The following PLD5 variants were observed in gnomAD, a reference collection of about 807,000 sequenced individuals.
PLD5 encodes the protein inactive phospholipase D5.
A neutral mutation model predicts 61.1 loss-of-function variants in PLD5; 36 were observed. The observed-to-expected ratio is 0.59, with a 90% CI of 0.45 to 0.78. The LOEUF is 0.78. PLD5 is among the 30% of genes least tolerant of loss of function. PLD5 has a pLI of 0.00. For missense variants in PLD5, 515 were observed against 644.4 expected (o/e 0.80, Z 2.17); for synonymous variants, 243 against 242.8 (o/e 1.00, Z -0.01).
At chr1:242,327,425 G>T (rs891408263) in intron 2 of PLD5, among the ~76,000 whole-genome samples, 7 of 152,272 alleles carry the variant, frequency 4.6e-5, no homozygotes, top group Middle Eastern at 3.4e-3. Flanking sequence ...TTTACTGACT[G>T]CTATTTCAAA....
upstream of PLD5, among the ~76,000 whole-genome samples, chr1:242,525,630 TG>T (rs1356773789): frequency 1.3e-5 from 2 of 152,204 alleles, no homozygotes; most frequent in Non-Finnish European, 1.5e-5. Context: ...GTCTCGTGTC[TG>T]GTTAAAAGCT....
chr1:242,290,525 G>A (rs1399974402), intron 2 of PLD5, among the ~76,000 whole-genome samples: 3 of 152,104 alleles, frequency 2.0e-5, no homozygotes, highest in African/African-American at 7.2e-5. Flanking sequence ...ACTTAATTTT[G>A]TCGCATTTGG....
At chr1:242,167,780 CG>C (rs1666438496) in intron 5 of PLD5, among the ~76,000 whole-genome samples, 1 of 152,134 alleles carries the variant, frequency 6.6e-6, no homozygotes, top group Non-Finnish European at 1.5e-5. Flanking sequence ...GGATTGCCTA[CG>C]TGAAAACAAT....
chr1:242,390,850 C>T (rs964411778), intron 1 of PLD5, among the ~76,000 whole-genome samples: 2 of 151,226 alleles, frequency 1.3e-5, no homozygotes, highest in Non-Finnish European at 2.9e-5. Context: ...ATGATTAAGA[C>T]CTAAAATGAC....
At chr1:242,488,583 A>G (rs1459440219) in intron 1 of PLD5, among the ~76,000 whole-genome samples, 1 of 152,222 alleles carries the variant, frequency 6.6e-6, no homozygotes, top group Non-Finnish European at 1.5e-5. Flanking sequence ...CCAAGGGCTC[A>G]GGGGAGGAAG....
intron 1 of PLD5, among the ~76,000 whole-genome samples, chr1:242,522,389 T>C (rs550518742): frequency 6.6e-6 from 1 of 152,168 alleles, no homozygotes; most frequent in East Asian, 1.9e-4. Flanking sequence ...GTGGCACACA[T>C]GGTATGACTT....
chr1:242,480,336 T>C (rs1350258342), intron 1 of PLD5, among the ~76,000 whole-genome samples: 1 of 152,196 alleles, frequency 6.6e-6, no homozygotes, highest in East Asian at 1.9e-4. Flanking sequence ...CTTTAAACCC[T>C]ATCTCACATC....
intron 5 of PLD5, among the ~76,000 whole-genome samples, chr1:242,140,859 G>C (rs1214304760): frequency 6.6e-6 from 1 of 152,066 alleles, no homozygotes; most frequent in Non-Finnish European, 1.5e-5. Flanking sequence ...CTTCCTTCCT[G>C]TTAGTTCCAG....
chr1:242,412,108 A>T lies in PLD5; in HGVS notation c.190-63866T>A, dbSNP rs76900892. Among the ~76,000 whole-genome samples the T allele has an allele frequency of 1.3e-3, 203 of 152,306 alleles. 2 individuals are homozygous for T. Among genetic ancestry groups the T allele is most frequent in the African/African-American group, 4.5e-3 (189 of 41,570 alleles). Reference sequence around the variant, plus strand: ...GAGGGGTGAAGGAATGACTCATCTCATCCTGTCTTTATTCTCTACTTGGGA... The same window carrying T: ...GAGGGGTGAAGGAATGACTCATCTCTTCCTGTCTTTATTCTCTACTTGGGA... On this transcript the variant is annotated intron_variant, in intron 1 of 9. Transcript: ENST00000536534.
intron 8 of PLD5, among the ~76,000 whole-genome samples, chr1:242,107,091 G>A (rs989740336): frequency 6.6e-6 from 1 of 152,160 alleles, no homozygotes; most frequent in African/African-American, 2.4e-5. Context: ...CGAGGCATCT[G>A]GGCGGGGGGT....
At chr1:242,345,485 T>C (rs1309713241) in intron 2 of PLD5, 1 of 710,388 alleles carries the variant, frequency 1.4e-6, no homozygotes, top group African/African-American at 1.8e-5. Context: ...AATTCTTAAG[T>C]TGCTAAAAAC....
intron 1 of PLD5, among the ~76,000 whole-genome samples, chr1:242,489,837 T>G (rs1017611981): frequency 6.6e-6 from 1 of 152,158 alleles, no homozygotes; most frequent in Non-Finnish European, 1.5e-5. Context: ...AGAGATCATT[T>G]CCCGCAGAAG....
chr1:242,154,227 G>A (rs1464174663), intron 5 of PLD5, among the ~76,000 whole-genome samples: 5 of 152,190 alleles, frequency 3.3e-5, no homozygotes, highest in Non-Finnish European at 5.9e-5. Flanking sequence ...TTGCTTATCA[G>A]CTTAAGGAGA....
intron 5 of PLD5, among the ~76,000 whole-genome samples, chr1:242,212,766 G>A (rs1249689117): frequency 6.6e-6 from 1 of 152,136 alleles, no homozygotes; most frequent in Non-Finnish European, 1.5e-5. Context: ...ATGTACAAGC[G>A]ACATCCCAGA....
intron 1 of PLD5, among the ~76,000 whole-genome samples, chr1:242,375,728 A>C (rs1194253362): frequency 6.6e-6 from 1 of 152,238 alleles, no homozygotes; most frequent in Non-Finnish European, 1.5e-5. Flanking sequence ...GAAGGGCCAG[A>C]AGAGTATCTC....
At chr1:242,117,012 T>C (rs924964705) in intron 6 of PLD5, among the ~76,000 whole-genome samples, 1 of 152,170 alleles carries the variant, frequency 6.6e-6, no homozygotes, top group Non-Finnish European at 1.5e-5. Context: ...TTTCCCTCAC[T>C]TGGGCACTAG....
chr1:242,506,257 C>T (rs191033701), intron 1 of PLD5, among the ~76,000 whole-genome samples: 1 of 152,130 alleles, frequency 6.6e-6, no homozygotes, highest in Non-Finnish European at 1.5e-5. Context: ...TGATCTATAT[C>T]TAGGAAATTA....
chr1:242,144,696 A>G (rs1664427191), intron 5 of PLD5, among the ~76,000 whole-genome samples: 1 of 152,122 alleles, frequency 6.6e-6, no homozygotes. Context: ...CAGGAGGATC[A>G]CTTGAACCTG....
chr1:242,477,310 T>C (rs1667626038), intron 1 of PLD5, among the ~76,000 whole-genome samples: 1 of 152,106 alleles, frequency 6.6e-6, no homozygotes, highest in Non-Finnish European at 1.5e-5. Context: ...TCCTGGCCAC[T>C]GCATGGTGTT....
Sources: allele counts gnomAD v4.1 joint callset (sites outside exome capture counted in the v4.1 genomes callset), GRCh38; gene constraint gnomAD v4.1.1; transcripts MANE v1.5; gene names NCBI Gene and HGNC (gene_info 2026-07-23, HGNC 2026-07-21).